Variants in DPP10 observed in about 807,000 individuals in gnomAD.
DPP10 encodes the protein inactive dipeptidyl peptidase 10.
Under a neutral mutation model 120.9 loss-of-function variants are expected in DPP10, and 33 were observed. That is an observed-to-expected ratio of 0.27 (90% CI 0.21 to 0.37). The LOEUF (loss-of-function observed/expected upper bound fraction) is 0.37, where lower values mean the gene tolerates loss of function less well. Among genes scored for constraint, DPP10 ranks in the 10% least tolerant of loss-of-function variants. DPP10 has a pLI of 1.00. For synonymous variants in DPP10, 337 were observed against 326.1 expected (o/e 1.03, Z -0.36); for missense variants, 816 against 942.8 (o/e 0.87, Z 1.76).
chr2:115,294,421 GT>G (rs2060793234), intron 1 of DPP10, among the ~76,000 whole-genome samples: 1 of 151,400 alleles, frequency 6.6e-6, no homozygotes, highest in South Asian at 2.1e-4. Flanking sequence ...GTAAATTTTT[GT>G]TTTTTGTTTT....
chr2:115,025,629 AC>A (rs957494693), intron 1 of DPP10, among the ~76,000 whole-genome samples: 2 of 152,172 alleles, frequency 1.3e-5, no homozygotes, highest in South Asian at 2.1e-4. Flanking sequence ...CCAACAGTGT[AC>A]CAGGTTTCCC....
chr2:114,550,452 G>C lies in DPP10; in HGVS notation c.60+107614G>C, dbSNP rs538488818. ...AGAGAGGTTCAGTGATTTTCCAAAGGTCACACAGCCAGTAAGGAGCAGGGC... is the reference window on the plus strand; with the variant it reads ...AGAGAGGTTCAGTGATTTTCCAAAGCTCACACAGCCAGTAAGGAGCAGGGC... On this transcript the variant is annotated intron_variant, in intron 1 of 25. Coordinates refer to ENST00000410059, the MANE Select transcript of DPP10 (RefSeq NM_020868.6). Among the ~76,000 whole-genome samples, 525 of 152,342 alleles carry C rather than the reference G, an allele frequency of 3.4e-3. 2 individuals are homozygous for C. Among genetic ancestry groups the C allele is most frequent in the African/African-American group, 0.012 (507 of 41,580 alleles).
chr2:115,792,958 G>A (rs1345802783), intron 19 of DPP10, among the ~76,000 whole-genome samples: 3 of 152,104 alleles, frequency 2.0e-5, no homozygotes, highest in Non-Finnish European at 2.9e-5. Flanking sequence ...GCCCACTTGC[G>A]TATCCACCTG....
chr2:114,984,541 C>CA (rs1214110930), intron 1 of DPP10, among the ~76,000 whole-genome samples: 6 of 152,108 alleles, frequency 3.9e-5, no homozygotes, highest in African/African-American at 1.4e-4. Context: ...CCTGTGGCCC[C>CA]AGCTACTTAG....
At chr2:115,116,122 GAC>G (rs1308680773) in intron 1 of DPP10, among the ~76,000 whole-genome samples, 3 of 151,602 alleles carry the variant, frequency 2.0e-5, no homozygotes, top group Non-Finnish European at 4.4e-5. Context: ...TACTTAAATA[GAC>G]ACAATGATTA....
intron 19 of DPP10, among the ~76,000 whole-genome samples, chr2:115,808,432 A>G (rs937894981): frequency 6.6e-6 from 1 of 152,302 alleles, no homozygotes; most frequent in Non-Finnish European, 1.5e-5. Context: ...GAGGAATGGA[A>G]GGTGTAAGGT....
intron 1 of DPP10, among the ~76,000 whole-genome samples, chr2:115,024,154 TA>T (rs201420483): frequency 9.2e-5 from 14 of 152,210 alleles, no homozygotes; most frequent in East Asian, 7.7e-4. Context: ...AAAAACCTAT[TA>T]AAAAAATTTT....
chr2:115,059,849 G>T (rs1706258684), intron 1 of DPP10, among the ~76,000 whole-genome samples: 1 of 151,962 alleles, frequency 6.6e-6, no homozygotes, highest in Non-Finnish European at 1.5e-5. Flanking sequence ...TTTTGTTTAA[G>T]CCTCTTGTAG....
At chr2:114,443,218 G>A (rs1006452307) in intron 1 of DPP10, among the ~76,000 whole-genome samples, 2 of 152,044 alleles carry the variant, frequency 1.3e-5, no homozygotes, top group African/African-American at 4.8e-5. Context: ...CTGATAACAG[G>A]ATTTCATTGT....
intron 8 of DPP10, among the ~76,000 whole-genome samples, chr2:115,737,058 C>T (rs1007956111): frequency 3.3e-5 from 5 of 152,136 alleles, no homozygotes; most frequent in African/African-American, 1.2e-4. Context: ...TTCTTATTGT[C>T]TTTCAGTGCC....
At chr2:115,559,733 C>T (rs2080447908) in intron 5 of DPP10, among the ~76,000 whole-genome samples, 1 of 152,142 alleles carries the variant, frequency 6.6e-6, no homozygotes, top group South Asian at 2.1e-4. Context: ...AACTTTACAG[C>T]CAAAGTACCC....
chr2:115,671,058 T>C (rs1044974948), intron 5 of DPP10, among the ~76,000 whole-genome samples: 1 of 152,030 alleles, frequency 6.6e-6, no homozygotes. Context: ...AGGGCATGTC[T>C]AAAAAAACAC....
chr2:115,517,356 G>T (rs1006886786), intron 4 of DPP10, among the ~76,000 whole-genome samples: 1 of 151,942 alleles, frequency 6.6e-6, no homozygotes, highest in African/African-American at 2.4e-5. Context: ...TATATCCTTG[G>T]GTTTCTGGTT....
At chr2:115,610,406 G>T (rs1246901687) in intron 5 of DPP10, among the ~76,000 whole-genome samples, 1 of 151,986 alleles carries the variant, frequency 6.6e-6, no homozygotes, top group African/African-American at 2.4e-5. Flanking sequence ...TTCATCATGG[G>T]AGAGGACTTC....
chr2:115,415,841 T>TTATATATATATATATATA lies in DPP10; in HGVS notation c.271+71947_271+71964dup, dbSNP rs70941057. Reference sequence around the variant, plus strand: ...ATCTGTCTTTATACCTGATTTGCTTTTATATATATATATATATATATATAT... The same window carrying TTATATATATATATATATA: ...ATCTGTCTTTATACCTGATTTGCTTTTATATATATATATATATATATATATATATATATATATATATAT... On this transcript the variant is annotated intron_variant, in intron 3 of 25. Transcript: ENST00000410059. Among the ~76,000 whole-genome samples the TTATATATATATATATATA allele has an allele frequency of 2.2e-3, 162 of 74,238 alleles. 2 individuals are homozygous for TTATATATATATATATATA. Among genetic ancestry groups the TTATATATATATATATATA allele is most frequent in the Non-Finnish European group, 2.5e-3 (99 of 38,982 alleles). 48.7% of individuals were successfully genotyped at this position (74,238 alleles called of 152,430 possible).
At chr2:115,426,845 A>C (rs2104735950) in intron 3 of DPP10, among the ~76,000 whole-genome samples, 1 of 152,322 alleles carries the variant, frequency 6.6e-6, no homozygotes, top group Middle Eastern at 3.4e-3. Context: ...CTCACTCAAG[A>C]GTTAATTCAA....
At chr2:115,616,452 A>G (rs1165386363) in intron 5 of DPP10, among the ~76,000 whole-genome samples, 1 of 151,974 alleles carries the variant, frequency 6.6e-6, no homozygotes, top group African/African-American at 2.4e-5. Flanking sequence ...CTAAGTCAGA[A>G]TCTAGACATG....
At chr2:114,482,189 A>AAT (rs1681120180) in intron 1 of DPP10, among the ~76,000 whole-genome samples, 1 of 152,146 alleles carries the variant, frequency 6.6e-6, no homozygotes, top group African/African-American at 2.4e-5. Context: ...TACAGACTGT[A>AAT]TAATTCCATT....
At chr2:115,087,255 A>T (rs985007981) in intron 1 of DPP10, among the ~76,000 whole-genome samples, 1 of 152,314 alleles carries the variant, frequency 6.6e-6, no homozygotes, top group African/African-American at 2.4e-5. Context: ...GTAGTGTGGC[A>T]ATGGCTGTAG....
Sources: gnomAD v4.1 joint callset for allele counts (sites outside exome capture counted in the v4.1 genomes callset) on GRCh38, gnomAD v4.1.1 for gene constraint, MANE v1.5 for transcripts, NCBI Gene and HGNC (gene_info 2026-07-23, HGNC 2026-07-21) for gene names.